The following HID1 variants were observed in gnomAD, a reference collection of about 807,000 sequenced individuals.
HID1 encodes protein HID1.
HID1 carries 42 observed loss-of-function variants against 89.7 expected under a neutral mutation model. The ratio of observed to expected loss-of-function variants is 0.47; its 90% CI spans 0.37 to 0.61. HID1 has a LOEUF of 0.61. HID1 is among the 20% of genes least tolerant of loss of function. The pLI is 0.00. For missense variants in HID1, 854 were observed against 1,039.3 expected, an observed-to-expected ratio of 0.82 and a Z score of 2.45; for synonymous variants, 442 against 433.8, an observed-to-expected ratio of 1.02 and a Z score of -0.24.
At chr17:74,961,735 T>G in intron 6 of HID1, 138 bp downstream of exon 6, 1 of 458,600 alleles carries the variant, frequency 2.2e-6, no homozygotes, top group Non-Finnish European at 3.9e-6. Flanking sequence ...GTGTGAGGTG[T>G]GGCTGGTAAG....
rs1259091382 is a variant in HID1 at position 74,958,576 on chromosome 17, G to A, written c.1240+97C>T. 3.2e-6 allele frequency: 5 copies of A among 1,584,002 alleles called. No individual in the cohort carries two copies. Among genetic ancestry groups the A allele is most frequent in the African/African-American group, 2.7e-5 (2 of 74,198 alleles). ...GAGGCCTCCCTCCTAGGAGGTCAGA[G>A]TGCCAGGCCTGAGCTCCTGGGAGTC... On this transcript the variant is annotated intron_variant, in intron 10 of 18. Transcript: ENST00000425042. The surrounding 1 kb of genome is among the most constrained non-coding windows in gnomAD (Gnocchi z 5.2).
At chr17:74,964,425 TCTC>T (rs2144821637) in intron 2 of HID1, 55 bp downstream of exon 2, 1 of 1,554,636 alleles carries the variant, frequency 6.4e-7, no homozygotes, top group Admixed American at 1.9e-5. Context: ...GCGCCTGCCT[TCTC>T]CTGCTGTGGG....
chr17:74,968,084 G>A (rs1185332112), intron 1 of HID1, among the ~76,000 whole-genome samples: 3 of 152,138 alleles, frequency 2.0e-5, no homozygotes, highest in Non-Finnish European at 2.9e-5. Context: ...CAGCGTGCAT[G>A]ACTGAGTGAG....
At position 74,972,358 on chromosome 17, in the gene HID1, G is replaced by A. The variant is rs1208195288; in HGVS notation, c.66+233C>T. Among the ~76,000 whole-genome samples the A allele has an allele frequency of 6.6e-6, 1 of 152,200 alleles. No individual in the cohort carries two copies. The highest frequency in any genetic ancestry group is 1.5e-5 in the Non-Finnish European group (1 of 68,016). ...CACGTCAGCCTAAGGTGGCAGCAGC[G>A]GCTTCGGGGAGAGGGGTGTTCCCAG... On this transcript the variant is annotated intron_variant, in intron 1 of 18. Coordinates refer to ENST00000425042, the MANE Select transcript of HID1 (RefSeq NM_030630.3). This position sits in a 1 kb window ranked among gnomAD's most constrained non-coding sequence, Gnocchi z 6.4.
intron 1 of HID1, among the ~76,000 whole-genome samples, chr17:74,965,011 G>A (rs1006301350): frequency 1.3e-5 from 2 of 152,252 alleles, no homozygotes; most frequent in Non-Finnish European, 2.9e-5. Context: ...TCCAGGTCAA[G>A]ACCATGCCCT....
chr17:74,953,717 C>A (rs925418685), intron 14 of HID1, 66 bp from the exon 15 acceptor site: 2 of 1,285,790 alleles, frequency 1.6e-6, no homozygotes, highest in Non-Finnish European at 2.3e-6. Context: ...CTTCCTCCAC[C>A]CACTTTTTTA....
intron 13 of HID1, 122 bp downstream of exon 13, chr17:74,955,670 T>A (rs1243922187): frequency 3.8e-6 from 3 of 798,888 alleles, no homozygotes; most frequent in Non-Finnish European, 4.0e-6. Context: ...ATGAATGAAC[T>A]GGGGGCAGAA....
chr17:74,952,465 C>G (rs2039318786), intron 16 of HID1, 105 bp from the exon 17 acceptor site: 1 of 751,150 alleles, frequency 1.3e-6, no homozygotes, highest in East Asian at 2.6e-5. Flanking sequence ...CAGAAAGTAC[C>G]CCTGCTCCTT....
intron 14 of HID1, 104 bp downstream of exon 14, chr17:74,954,034 A>G: frequency 3.5e-6 from 4 of 1,127,852 alleles, no homozygotes; most frequent in East Asian, 2.5e-5. Flanking sequence ...GCTTCCATAC[A>G]TAAGCCATGC....
chr17:74,969,922 CTT>C (rs61436029), intron 1 of HID1, among the ~76,000 whole-genome samples: 7 of 112,148 alleles, frequency 6.2e-5, no homozygotes, highest in East Asian at 2.6e-4. Context: ...TTTCTTTTTT[CTT>C]TTTTTTTTTT....
chr17:74,955,681 G>A (rs2144803452), intron 13 of HID1, 111 bp downstream of exon 13: 10 of 930,618 alleles, frequency 1.1e-5, no homozygotes, highest in Non-Finnish European at 1.6e-5. Context: ...GGGGGCAGAA[G>A]GCAAGCAGGC....
intron 1 of HID1, among the ~76,000 whole-genome samples, chr17:74,966,324 C>T (rs1382670783): frequency 6.7e-6 from 1 of 149,538 alleles, no homozygotes; most frequent in Non-Finnish European, 1.5e-5. Context: ...AGAAAATGAA[C>T]CAGAATGTTA....
Position 74,962,189 on chromosome 17 carries a change from CGG to C in HID1, c.611+43_611+44del, listed in dbSNP as rs773229945. 8.0e-6 allele frequency: 12 copies of C among 1,505,728 alleles called. No individual in the cohort carries two copies. In the South Asian group the frequency reaches 1.3e-4, roughly 16 times the overall value. The allele number at this position is 1,505,728 out of a possible 1,614,324, so 93.3% of individuals were successfully genotyped here. ...TTCTGAGCTGTGCGGGGGCCCGGCC[CGG>C]GGTCCAGCTGCATTGAGGGCTCCGG... On this transcript the variant is annotated intron_variant, in intron 5 of 18. Transcript: ENST00000425042. The surrounding 1 kb of genome is among the most constrained non-coding windows in gnomAD (Gnocchi z 4.3).
In HID1 at chr17:74,953,610, C is replaced by T. The variant is rs2039341152; in HGVS notation, c.1906G>A (p.Gly636Ser). 2.5e-6 allele frequency: 4 copies of T among 1,614,012 alleles called. No individual in the cohort carries two copies. Among genetic ancestry groups the T allele is most frequent in the Non-Finnish European group, 3.4e-6 (4 of 1,179,986 alleles). The change falls in exon 15 of 19, where the codon GGC becomes AGC. Residue 636 changes from glycine to serine, a missense_variant. Transcript: ENST00000425042. ...TCAGGTTCCAGGGACCGCAAGGTGCCATCCTCTGACACCTGGGACTTCTCG... is the reference window on the plus strand; with the variant it reads ...TCAGGTTCCAGGGACCGCAAGGTGCTATCCTCTGACACCTGGGACTTCTCG... ...LTEKSQVSEDGTLRSLEPEPQ... is the reference protein window; with the variant it reads ...LTEKSQVSEDSTLRSLEPEPQ...
rs1304950512 is a variant in HID1 at position 74,962,273 on chromosome 17, G to A, written c.572C>T (p.Ala191Val). Residue 191 changes from alanine to valine, a missense_variant, in exon 5 of 19, where the codon GCT becomes GTT. Physicochemically the swap from Ala to Val is moderately conservative, Grantham distance 64. Coordinates refer to ENST00000425042, the MANE Select transcript of HID1 (RefSeq NM_030630.3). The surrounding 1 kb of genome is among the most constrained non-coding windows in gnomAD (Gnocchi z 4.3). Reference protein sequence around the residue: ...EYIWEAGVGFAHSPQPNYIHD... With the variant: ...EYIWEAGVGFVHSPQPNYIHD... ...GATGTAGTTAGGCTGGGGGGAGTGAGCGAAGCCCACACCAGCCTCCCAGAT... is the reference window on the plus strand; with the variant it reads ...GATGTAGTTAGGCTGGGGGGAGTGAACGAAGCCCACACCAGCCTCCCAGAT... 1 of 1,612,036 alleles carries A rather than the reference G, an allele frequency of 6.2e-7. No individual in the cohort carries two copies. Among genetic ancestry groups the A allele is most frequent in the East Asian group, 2.2e-5 (1 of 44,780 alleles).
At chr17:74,965,242 C>A (rs1351141391) in intron 1 of HID1, among the ~76,000 whole-genome samples, 3 of 152,232 alleles carry the variant, frequency 2.0e-5, no homozygotes, top group Non-Finnish European at 4.4e-5. Flanking sequence ...AACTTCAAAT[C>A]CACCTCTTTC....
chr17:74,958,405 C>G lies in HID1; in HGVS notation c.1314G>C (p.Arg438=), dbSNP rs774453688. Residue 438 remains arginine (R), a synonymous_variant, in exon 11 of 19, where the codon CGG becomes CGC. Transcript: ENST00000425042. This position sits in a 1 kb window ranked among gnomAD's most constrained non-coding sequence, Gnocchi z 5.2. ...CGCGGATTGAGTAGGGTTTGTTCAG[C>G]CGCACCCCGAAGTTCCGCTCCCCGC... is the stretch of plus-strand genomic sequence containing the variant. ...LLSGERNFGV[R]LNKPYSIRVP... 1.2e-6 allele frequency: 2 copies of G among 1,609,296 alleles called. No individual in the cohort carries two copies. Among genetic ancestry groups the G allele is most frequent in the African/African-American group, 1.3e-5 (1 of 74,862 alleles).
Position 74,954,206 on chromosome 17 carries a change from A to G in HID1, c.1796T>C (p.Met599Thr). ...AGGGGCAGCGGGGCGGGAGCCCTCCATGGAGGTGCCCTCCTGGGAGCCGGT... is the reference window on the plus strand; with the variant it reads ...AGGGGCAGCGGGGCGGGAGCCCTCCGTGGAGGTGCCCTCCTGGGAGCCGGT... ...SRTGSQEGTS[M>T]EGSRPAAPAE... Residue 599 changes from methionine to threonine, a missense_variant, in exon 14 of 19, where the codon ATG becomes ACG. By Grantham distance (81) the Met-to-Thr change is moderately conservative. Coordinates refer to ENST00000425042, the MANE Select transcript of HID1 (RefSeq NM_030630.3). 6.2e-7 allele frequency: 1 copy of G among 1,600,878 alleles called. No homozygotes were observed. Among genetic ancestry groups the G allele is most frequent in the Non-Finnish European group, 8.5e-7 (1 of 1,175,110 alleles).
chr17:74,966,283 CAAAAAA>C (rs34312915), intron 1 of HID1, among the ~76,000 whole-genome samples: 4 of 70,940 alleles, frequency 5.6e-5, no homozygotes, highest in Non-Finnish European at 7.8e-5. Context: ...GACTCTGTCT[CAAAAAA>C]AAAAAAAAAA....
Sources: allele counts gnomAD v4.1 joint callset (sites outside exome capture counted in the v4.1 genomes callset), GRCh38; gene constraint gnomAD v4.1.1; non-coding constraint Gnocchi (gnomAD v3.1); transcripts MANE v1.5; gene names NCBI Gene and HGNC (gene_info 2026-07-23, HGNC 2026-07-21).